TET1: variants seen among roughly 807,000 people sequenced by gnomAD.
TET1 encodes the protein tet methylcytosine dioxygenase 1.
A neutral mutation model predicts 148.7 loss-of-function variants in TET1; 13 were observed. The ratio of observed to expected loss-of-function variants is 0.09; its 90% CI spans 0.06 to 0.14. The LOEUF is 0.14. Ranked by LOEUF, TET1 falls within the 10% of genes least tolerant of loss-of-function variation. The pLI, the probability that TET1 is intolerant of heterozygous loss-of-function variation, is 1.00. For missense variants in TET1, 2,182 were observed against 2,553.8 expected, an observed-to-expected ratio of 0.85 and a Z score of 3.14; for synonymous variants, 907 against 937.2, an observed-to-expected ratio of 0.97 and a Z score of 0.59.
At position 68,692,299 on chromosome 10, in the gene TET1, T is replaced by C; in HGVS notation, c.*485T>C. On this transcript the variant is annotated 3_prime_UTR_variant, in exon 12 of 12. Coordinates refer to ENST00000373644, the MANE Select transcript of TET1 (RefSeq NM_030625.3). ...TGTTCCAACATCTTCCAATCATTGC[T>C]AGAAAATTGGCATATTCCTTTGAAA... The C allele has an allele frequency of 8.6e-6, 2 of 233,004 alleles. No individual in the cohort carries two copies. Among genetic ancestry groups the C allele is most frequent in the Non-Finnish European group, 1.7e-5 (2 of 117,782 alleles). The allele number at this position is 233,004 out of a possible 1,614,324, so 14.4% of individuals were successfully genotyped here. A position where few individuals can be genotyped will look rare whatever the true frequency, so the allele number is the denominator to read the frequency against.
Position 68,672,952 on chromosome 10 carries a change from T to C in TET1, c.4731T>C (p.Phe1577=). The change falls in exon 8 of 12, where the codon TTT becomes TTC. Residue 1577 remains phenylalanine (F), a synonymous_variant. Transcript: ENST00000373644. ...DPETCGASFS[F]GCSWSMYFNG... is the part of the protein sequence containing the mutation. ...AGACTTGTGGAGCTTCATTCTCTTT[T>C]GGCTGTTCATGGAGTATGTACTTTA... 1 of 1,611,906 alleles carries C rather than the reference T, an allele frequency of 6.2e-7. No homozygotes were observed. The highest frequency in any genetic ancestry group is 8.5e-7 in the Non-Finnish European group (1 of 1,178,388).
chr10:68,612,176 G>A (rs1014168156), intron 3 of TET1, among the ~76,000 whole-genome samples: 5 of 150,726 alleles, frequency 3.3e-5, no homozygotes, highest in African/African-American at 1.2e-4. Flanking sequence ...TGCAACCTCC[G>A]CCTCCTGGGT....
At chr10:68,630,030 A>G (rs917427985) in intron 3 of TET1, among the ~76,000 whole-genome samples, 32 of 152,220 alleles carry the variant, frequency 2.1e-4, no homozygotes, top group African/African-American at 7.5e-4. Context: ...AATCTCCATA[A>G]ATCTGGTATC....
rs1225759885 is a variant in TET1, at chr10:68,572,584, G to C, written c.246G>C (p.Met82Ile). 2 of 1,614,052 alleles carry C rather than the reference G, an allele frequency of 1.2e-6. No individual in the cohort carries two copies. Among genetic ancestry groups the C allele is most frequent in the Non-Finnish European group, 8.5e-7 (1 of 1,180,034 alleles). ...SLLTRAGAARMNLDRTEVLFQ... is the reference protein window; with the variant it reads ...SLLTRAGAARINLDRTEVLFQ... ...TGACAAGAGCTGGAGCAGCACGCATGAATTTGGATAGGACTGAGGTTCTTT... is the reference window on the plus strand; with the variant it reads ...TGACAAGAGCTGGAGCAGCACGCATCAATTTGGATAGGACTGAGGTTCTTT... Residue 82 changes from methionine (M) to isoleucine (I), a missense_variant, in exon 2 of 12, where the codon ATG becomes ATC. Physicochemically the swap from Met to Ile is conservative, Grantham distance 10. This residue lies in a region of TET1 where 665 missense variants were observed against 672.4 expected (regional missense o/e 0.99). Coordinates refer to ENST00000373644, the MANE Select transcript of TET1 (RefSeq NM_030625.3).
intron 8 of TET1, among the ~76,000 whole-genome samples, chr10:68,674,126 A>G (rs1430530375): frequency 6.6e-6 from 1 of 151,650 alleles, no homozygotes; most frequent in African/African-American, 2.4e-5. Flanking sequence ...CATCATGCCC[A>G]GCTAATTTAG....
Position 68,667,188 on chromosome 10 carries a change from A to C in TET1, c.4605A>C (p.Thr1535=). Residue 1535 remains threonine, a synonymous_variant, in exon 7 of 12, where the codon ACA becomes ACC. Coordinates refer to ENST00000373644, the MANE Select transcript of TET1 (RefSeq NM_030625.3). ...TTCCAATGGCCGACCGGCTATACAC[A>C]GAGCTCACAGAGAATCTAAAGTCAT... ...IPLPMADRLY[T]ELTENLKSYN... 1 of 1,614,154 alleles carries C rather than the reference A, an allele frequency of 6.2e-7. No homozygotes were observed. Among genetic ancestry groups the C allele is most frequent in the Non-Finnish European group, 8.5e-7 (1 of 1,180,008 alleles).
intron 1 of TET1, among the ~76,000 whole-genome samples, chr10:68,571,877 G>A (rs538165883): frequency 1.3e-5 from 2 of 152,248 alleles, no homozygotes; most frequent in South Asian, 4.1e-4. Flanking sequence ...CCCAGCACTA[G>A]GGGAGGCCAA....
At chr10:68,614,894 A>G (rs2488046) in intron 3 of TET1, among the ~76,000 whole-genome samples, 42,764 of 151,558 alleles carry the variant, frequency 0.28, 6,621 homozygotes, top group African/African-American at 0.4. Flanking sequence ...ACACCCAGCC[A>G]TTCTCACTTC....
chr10:68,590,565 G>A (rs1203193575), intron 2 of TET1, among the ~76,000 whole-genome samples: 1 of 151,886 alleles, frequency 6.6e-6, no homozygotes, highest in Non-Finnish European at 1.5e-5. Context: ...TCCTCGTTTT[G>A]TATAAGATCC....
At chr10:68,639,466 C>CTA (rs1564984373) in intron 3 of TET1, among the ~76,000 whole-genome samples, 1 of 113,120 alleles carries the variant, frequency 8.8e-6, no homozygotes, top group East Asian at 2.8e-4. Context: ...ACTACTACTA[C>CTA]TATTATTATT....
At position 68,645,621 on chromosome 10, in the gene TET1, A is replaced by G. The variant is rs1242746316; in HGVS notation, c.2892A>G (p.Ser964=). ...GTCCATCTTTGGAAAAACAAAGTTC[A>G]TGCAACACGGTGGTTTTCAATGGGC... ...NHCPSLEKQS[S]CNTVVFNGQT... The change falls in exon 4 of 12, where the codon TCA becomes TCG. Residue 964 remains serine (S), a synonymous_variant. Transcript: ENST00000373644. The G allele has an allele frequency of 6.2e-7, 1 of 1,614,208 alleles. No individual in the cohort carries two copies. Among genetic ancestry groups the G allele is most frequent in the South Asian group, 1.1e-5 (1 of 91,078 alleles).
chr10:68,650,480 AATT>A (rs1391961245), intron 4 of TET1, among the ~76,000 whole-genome samples: 1 of 151,932 alleles, frequency 6.6e-6, no homozygotes, highest in Non-Finnish European at 1.5e-5. Context: ...AAAAGTACAA[AATT>A]AGCCAGGCAT....
chr10:68,670,130 T>G (rs1349748204), intron 7 of TET1, among the ~76,000 whole-genome samples: 2 of 152,200 alleles, frequency 1.3e-5, no homozygotes, highest in Non-Finnish European at 2.9e-5. Flanking sequence ...AAAATGAGGA[T>G]TGTTCTCTTG....
At chr10:68,571,852 G>A (rs2053673931) in intron 1 of TET1, among the ~76,000 whole-genome samples, 1 of 151,954 alleles carries the variant, frequency 6.6e-6, no homozygotes, top group South Asian at 2.1e-4. Context: ...GGGCACGCTG[G>A]TTCACACCTG....
intron 3 of TET1, among the ~76,000 whole-genome samples, chr10:68,615,637 C>T (rs545783048): frequency 1.3e-5 from 2 of 151,894 alleles, no homozygotes; most frequent in South Asian, 2.1e-4. Context: ...TGAGCCACTG[C>T]GTCCAGGCAA....
intron 2 of TET1, among the ~76,000 whole-genome samples, chr10:68,578,682 C>T (rs562770141): frequency 5.4e-5 from 8 of 148,096 alleles, no homozygotes; most frequent in Admixed American, 3.4e-4. Context: ...CCCATTCAGA[C>T]ATTTTCAGGA....
chr10:68,679,851 T>G (rs1459573419), intron 8 of TET1, among the ~76,000 whole-genome samples: 1 of 152,188 alleles, frequency 6.6e-6, no homozygotes. Flanking sequence ...TTTTTGTATT[T>G]TTAGTAGAGG....
chr10:68,576,165 A>G (rs1409691221), intron 2 of TET1, among the ~76,000 whole-genome samples: 2 of 152,060 alleles, frequency 1.3e-5, no homozygotes, highest in African/African-American at 4.8e-5. Flanking sequence ...AGCCTGGCCA[A>G]CCTGGCAAAA....
intron 10 of TET1, among the ~76,000 whole-genome samples, chr10:68,683,532 C>T (rs2055467231): frequency 6.6e-6 from 1 of 152,004 alleles, no homozygotes; most frequent in Non-Finnish European, 1.5e-5. Flanking sequence ...CCCACCTTGG[C>T]CTCGAAAAGT....
Sources: allele counts gnomAD v4.1 joint callset (sites outside exome capture counted in the v4.1 genomes callset), GRCh38; gene constraint gnomAD v4.1.1; regional missense constraint gnomAD v4.1.1; transcripts MANE v1.5; gene names NCBI Gene and HGNC (gene_info 2026-07-23, HGNC 2026-07-21).